FHIP1A: variants seen among roughly 807,000 people sequenced by gnomAD.
FHIP1A encodes the protein FHF complex subunit HOOK-interacting protein 1A.
FHIP1A carries 61 observed loss-of-function variants against 88.6 expected under a neutral mutation model. The ratio of observed to expected loss-of-function variants is 0.69; its 90% CI spans 0.56 to 0.85. The LOEUF (loss-of-function observed/expected upper bound fraction) is 0.85. Among genes scored for constraint, FHIP1A ranks in the 40% least tolerant of loss-of-function variants. FHIP1A has a pLI of 0.00. For missense variants in FHIP1A, 1,154 were observed against 1,273.5 expected (o/e 0.91, Z 1.43); for synonymous variants, 478 against 496.0 (o/e 0.96, Z 0.48).
chr4:151,414,096 G>A (rs1732792224), intron 1 of FHIP1A, among the ~76,000 whole-genome samples: 1 of 151,944 alleles, frequency 6.6e-6, no homozygotes, highest in Non-Finnish European at 1.5e-5. Flanking sequence ...TGTCGCCCAG[G>A]CTGGAGTGCA....
At chr4:151,594,937 TAGCAGTCTATC>T (rs1734590997) in intron 7 of FHIP1A, among the ~76,000 whole-genome samples, 1 of 152,200 alleles carries the variant, frequency 6.6e-6, no homozygotes, top group African/African-American at 2.4e-5. Flanking sequence ...TTAGCCTGGC[TAGCAGTCTATC>T]TATTTTGTTA....
intron 13 of FHIP1A, among the ~76,000 whole-genome samples, chr4:151,660,538 A>G (rs1430960038): frequency 1.3e-5 from 2 of 152,364 alleles, no homozygotes; most frequent in Non-Finnish European, 2.9e-5. Flanking sequence ...GCAAATGTTT[A>G]TTAGCTTCTG....
chr4:151,592,430 G>A (rs906096130), intron 7 of FHIP1A, among the ~76,000 whole-genome samples: 15 of 152,104 alleles, frequency 9.9e-5, no homozygotes, highest in African/African-American at 2.4e-4. Flanking sequence ...CACCGCGCCC[G>A]GCTGTTCCCT....
intron 3 of FHIP1A, among the ~76,000 whole-genome samples, chr4:151,565,796 G>A (rs1733363953): frequency 6.6e-6 from 1 of 151,668 alleles, no homozygotes; most frequent in South Asian, 2.1e-4. Context: ...AATTACTTTT[G>A]CACCAACCTA....
chr4:151,646,514 A>C (rs749813470), intron 9 of FHIP1A, 44 bp from the exon 10 acceptor site: 2 of 1,412,930 alleles, frequency 1.4e-6, no homozygotes, highest in Admixed American at 4.0e-5. Flanking sequence ...GTAATGGTTC[A>C]AGACATTGCA....
chr4:151,590,111 A>G (rs150603131), intron 7 of FHIP1A, among the ~76,000 whole-genome samples: 1 of 152,288 alleles, frequency 6.6e-6, no homozygotes, highest in Admixed American at 6.5e-5. Context: ...TGTTCCAGGG[A>G]TGGAATGGGT....
At chr4:151,569,826 G>C (rs1733529224) in intron 4 of FHIP1A, among the ~76,000 whole-genome samples, 1 of 152,122 alleles carries the variant, frequency 6.6e-6, no homozygotes, top group African/African-American at 2.4e-5. Flanking sequence ...AGAGTTGCCA[G>C]GGGAGAGACC....
intron 7 of FHIP1A, among the ~76,000 whole-genome samples, chr4:151,614,056 G>A (rs1014787061): frequency 2.0e-5 from 3 of 152,022 alleles, no homozygotes; most frequent in Non-Finnish European, 2.9e-5. Flanking sequence ...TGAGCTACTC[G>A]GGAGGATGAG....
intron 3 of FHIP1A, among the ~76,000 whole-genome samples, chr4:151,518,395 A>G (rs1464971889): frequency 6.6e-6 from 1 of 152,166 alleles, no homozygotes; most frequent in East Asian, 1.9e-4. Flanking sequence ...TGACAAAATC[A>G]TGTAAGGATG....
intron 7 of FHIP1A, among the ~76,000 whole-genome samples, chr4:151,602,841 G>A (rs1734926724): frequency 6.6e-6 from 1 of 152,072 alleles, no homozygotes; most frequent in South Asian, 2.1e-4. Flanking sequence ...AGAAGGGAAA[G>A]GTGTGGAGAA....
intron 9 of FHIP1A, among the ~76,000 whole-genome samples, chr4:151,639,433 GC>G (rs1001589056): frequency 7.9e-5 from 12 of 152,186 alleles, no homozygotes; most frequent in African/African-American, 2.9e-4. Flanking sequence ...TCTTGCCTTG[GC>G]CCAGCAATCC....
At chr4:151,441,174 G>A in intron 1 of FHIP1A, among the ~76,000 whole-genome samples, 1 of 152,132 alleles carries the variant, frequency 6.6e-6, no homozygotes, top group African/African-American at 2.4e-5. Context: ...TGGAATAATA[G>A]AGGTAGGGAT....
At chr4:151,442,343 AATC>A (rs1441573613) in intron 1 of FHIP1A, among the ~76,000 whole-genome samples, 1 of 152,142 alleles carries the variant, frequency 6.6e-6, no homozygotes, top group Non-Finnish European at 1.5e-5. Context: ...ATTAAAAAAA[AATC>A]AACAGAAAAA....
chr4:151,456,028 G>A (rs986322047), intron 2 of FHIP1A, among the ~76,000 whole-genome samples: 8 of 151,878 alleles, frequency 5.3e-5, no homozygotes, highest in Non-Finnish European at 8.8e-5. Flanking sequence ...GGACATAACT[G>A]ATAATTCAGA....
chr4:151,592,394 A>G (rs1734472387), intron 7 of FHIP1A, among the ~76,000 whole-genome samples: 1 of 152,124 alleles, frequency 6.6e-6, no homozygotes, highest in African/African-American at 2.4e-5. Context: ...TCAGCCTCCC[A>G]AAGTGCTGAG....
rs28417352 is a variant in FHIP1A at position 151,656,480 on chromosome 4, C to T, written c.2730+70C>T. On this transcript the variant is annotated intron_variant, in intron 12 of 13. Transcript: ENST00000435205. The surrounding 1 kb of genome is among the most constrained non-coding windows in gnomAD (Gnocchi z 4.2). ...GCTAATTTGCAGGGCATCTATTTCT[C>T]TTTATTTTGTTTTTCAAAAATTCCT... 6.9e-3 allele frequency: 10,054 copies of T among 1,452,072 alleles called. 515 individuals are homozygous for T. The African/African-American group carries it at 0.12, about 17-fold the overall frequency. 89.9% of individuals were successfully genotyped at this position (1,452,072 alleles called of 1,614,324 possible). A position where few individuals can be genotyped will look rare whatever the true frequency, so the allele number is the denominator to read the frequency against.
Position 151,662,487 on chromosome 4 carries a change from CT to C in FHIP1A, c.2870-11del, listed in dbSNP as rs1183622107. The C allele has an allele frequency of 8.5e-5, 128 of 1,510,526 alleles. No homozygotes were observed. Among genetic ancestry groups the C allele is most frequent in the Non-Finnish European group, 9.5e-5 (107 of 1,123,950 alleles). 93.6% of individuals were successfully genotyped at this position (1,510,526 alleles called of 1,614,324 possible). A position where few individuals can be genotyped will look rare whatever the true frequency, so the allele number is the denominator to read the frequency against. ...TATGGAGGGACACCATGATGGTTTTCTTTCTGCTTTCAGATCCCATTCAGGA... is the reference window on the plus strand; with the variant it reads ...TATGGAGGGACACCATGATGGTTTTCTTCTGCTTTCAGATCCCATTCAGGA... On this transcript the variant is annotated splice_polypyrimidine_tract_variant and intron_variant, in intron 13 of 13. Coordinates refer to ENST00000435205, the MANE Select transcript of FHIP1A (RefSeq NM_001109977.3).
chr4:151,420,309 A>T (rs540950559), intron 1 of FHIP1A, among the ~76,000 whole-genome samples: 619 of 37,562 alleles, frequency 0.016, 177 homozygotes, highest in African/African-American at 0.062. Context: ...GATATCTCAT[A>T]GTGGTTTTGA....
rs141387853 is a variant in FHIP1A at position 151,666,938 on chromosome 4, G to C, written c.*4184G>C. ...GCCCTTAATTTTAAATGGTCCCGGC[G>C]TGGTGTTCAGTATCTGCATATGCCC... On this transcript the variant is annotated 3_prime_UTR_variant, in exon 14 of 14. Coordinates refer to ENST00000435205, the MANE Select transcript of FHIP1A (RefSeq NM_001109977.3). 2.6e-5 allele frequency among the ~76,000 whole-genome samples: 4 copies of C among 152,198 alleles called. No homozygotes were observed. The highest frequency in any genetic ancestry group is 4.4e-5 in the Non-Finnish European group (3 of 68,052).
Sources: gnomAD v4.1 joint callset for allele counts (sites outside exome capture counted in the v4.1 genomes callset) on GRCh38, gnomAD v4.1.1 for gene constraint, Gnocchi (gnomAD v3.1) non-coding constraint, MANE v1.5 for transcripts, NCBI Gene and HGNC (gene_info 2026-07-23, HGNC 2026-07-21) for gene names.